Variants in THSD7B observed in about 807,000 individuals in gnomAD.
The protein encoded by THSD7B is thrombospondin type-1 domain-containing protein 7B.
THSD7B carries 138 observed loss-of-function variants against 213.6 expected under a neutral mutation model. The observed-to-expected ratio is 0.65, with a 90% CI of 0.56 to 0.74. The LOEUF (loss-of-function observed/expected upper bound fraction) is 0.74, where lower values mean the gene tolerates loss of function less well. THSD7B is among the 30% of genes least tolerant of loss of function. The pLI is 0.00. For missense variants in THSD7B, 1,931 were observed against 1,991.5 expected (o/e 0.97, Z 0.58); for synonymous variants, 742 against 687.0 (o/e 1.08, Z -1.25).
At chr2:136,825,223 C>T (rs1299438936) in intron 1 of THSD7B, among the ~76,000 whole-genome samples, 1 of 152,164 alleles carries the variant, frequency 6.6e-6, no homozygotes, top group Admixed American at 6.5e-5. Context: ...TCTTTTACTG[C>T]TGCTTTAACA....
chr2:137,359,492 A>G (rs1685206003), intron 12 of THSD7B, among the ~76,000 whole-genome samples: 1 of 152,148 alleles, frequency 6.6e-6, no homozygotes, highest in African/African-American at 2.4e-5. Context: ...AGTGCTACCA[A>G]GGAAAACTAC....
chr2:137,528,665 A>T (rs987157697), intron 15 of THSD7B, among the ~76,000 whole-genome samples: 1 of 152,076 alleles, frequency 6.6e-6, no homozygotes, highest in African/African-American at 2.4e-5. Context: ...TGCCTTTTCA[A>T]TAATTCCCTT....
intron 1 of THSD7B, among the ~76,000 whole-genome samples, chr2:136,829,683 A>G (rs1355334870): frequency 1.3e-5 from 2 of 152,156 alleles, no homozygotes; most frequent in Non-Finnish European, 2.9e-5. Flanking sequence ...ACATACTGGG[A>G]ATCAAAATTA....
intron 10 of THSD7B, among the ~76,000 whole-genome samples, chr2:137,249,302 A>G (rs1240137788): frequency 6.6e-6 from 1 of 152,050 alleles, no homozygotes; most frequent in Non-Finnish European, 1.5e-5. Context: ...AACCCCGCAT[A>G]AGAAGTTATC....
chr2:136,955,699 C>T (rs1017445677), intron 2 of THSD7B, among the ~76,000 whole-genome samples: 2 of 152,124 alleles, frequency 1.3e-5, no homozygotes, highest in Non-Finnish European at 2.9e-5. Context: ...GCAGGGCAAT[C>T]GTGAGGGCAT....
intron 1 of THSD7B, among the ~76,000 whole-genome samples, chr2:136,804,403 A>AACACAC (rs3030361): frequency 0.18 from 26,528 of 148,016 alleles, 2,785 homozygotes; most frequent in Non-Finnish European, 0.25. Flanking sequence ...ACACACACAT[A>AACACAC]ACACACACAC....
At position 137,258,865 on chromosome 2, in the gene THSD7B, G is replaced by A. The variant is rs988634590; in HGVS notation, c.2267-13668G>A. 7.9e-5 allele frequency among the ~76,000 whole-genome samples: 12 copies of A among 151,472 alleles called. No homozygotes were observed. In the South Asian group the frequency reaches 1.3e-3, roughly 16 times the overall value. Reference sequence around the variant, plus strand: ...CCCAACCCCTGACAGGCCCTGAAGCGTGTTGTTCCCTCCCCTGTGTCCATG... The same window carrying A: ...CCCAACCCCTGACAGGCCCTGAAGCATGTTGTTCCCTCCCCTGTGTCCATG... On this transcript the variant is annotated intron_variant, in intron 10 of 27. Coordinates refer to ENST00000409968, the MANE Select transcript of THSD7B (RefSeq NM_001316349.2).
At chr2:137,571,968 G>A (rs901368618) in intron 16 of THSD7B, among the ~76,000 whole-genome samples, 2 of 151,360 alleles carry the variant, frequency 1.3e-5, no homozygotes, top group Admixed American at 6.6e-5. Context: ...ATAGAAGTTT[G>A]GGAAAGGTTT....
chr2:137,017,514 A>G (rs993238372), intron 2 of THSD7B, among the ~76,000 whole-genome samples: 15 of 152,148 alleles, frequency 9.9e-5, no homozygotes, highest in Non-Finnish European at 2.2e-4. Context: ...TTTATAAGGT[A>G]TCATAGAAGC....
intron 20 of THSD7B, among the ~76,000 whole-genome samples, chr2:137,634,605 A>C (rs766412105): frequency 3.3e-5 from 5 of 152,326 alleles, no homozygotes; most frequent in African/African-American, 1.2e-4. Context: ...CAGTAAATTC[A>C]ATGACTATGT....
chr2:137,169,586 C>T (rs1016491913), intron 6 of THSD7B, among the ~76,000 whole-genome samples: 4 of 151,966 alleles, frequency 2.6e-5, no homozygotes, highest in Non-Finnish European at 4.4e-5. Flanking sequence ...TTTACTTACT[C>T]CGAGGAATAA....
At chr2:136,805,060 C>T (rs969073597) in intron 1 of THSD7B, among the ~76,000 whole-genome samples, 3 of 152,136 alleles carry the variant, frequency 2.0e-5, no homozygotes, top group African/African-American at 7.2e-5. Context: ...TTCAAAGACC[C>T]AGGGCATAGC....
At chr2:137,044,002 G>T (rs1686926951) in intron 2 of THSD7B, among the ~76,000 whole-genome samples, 2 of 152,244 alleles carry the variant, frequency 1.3e-5, no homozygotes, top group South Asian at 2.1e-4. Flanking sequence ...CTCCTCTAGG[G>T]TGTGAGCATG....
At chr2:137,283,341 C>T (rs536968258) in intron 12 of THSD7B, among the ~76,000 whole-genome samples, 8 of 152,270 alleles carry the variant, frequency 5.3e-5, no homozygotes, top group Admixed American at 6.5e-5. Flanking sequence ...ACAATCGTGT[C>T]ATCTGCAAAC....
At chr2:137,139,023 C>A (rs1679527420) in intron 5 of THSD7B, among the ~76,000 whole-genome samples, 1 of 152,118 alleles carries the variant, frequency 6.6e-6, no homozygotes, top group Non-Finnish European at 1.5e-5. Context: ...GCACATCTTC[C>A]ATTATTGAAT....
intron 20 of THSD7B, among the ~76,000 whole-genome samples, chr2:137,627,348 A>G (rs1340479493): frequency 6.6e-6 from 1 of 152,192 alleles, no homozygotes; most frequent in Admixed American, 6.5e-5. Flanking sequence ...CACAAACCAC[A>G]TCCAAACCAT....
intron 2 of THSD7B, among the ~76,000 whole-genome samples, chr2:137,013,417 G>T (rs1345097767): frequency 6.6e-6 from 1 of 152,152 alleles, no homozygotes; most frequent in African/African-American, 2.4e-5. Context: ...AGAATAAAGA[G>T]CTGAGACTCT....
At chr2:137,626,210 C>A (rs1682624243) in intron 20 of THSD7B, among the ~76,000 whole-genome samples, 1 of 152,086 alleles carries the variant, frequency 6.6e-6, no homozygotes, top group Non-Finnish European at 1.5e-5. Flanking sequence ...CGCCTGTAAC[C>A]CCAGCACTTT....
At chr2:137,081,967 TC>T in intron 3 of THSD7B, among the ~76,000 whole-genome samples, 1 of 152,204 alleles carries the variant, frequency 6.6e-6, no homozygotes, top group East Asian at 1.9e-4. Flanking sequence ...TAATTTCTTC[TC>T]CCTCTTTACT....
Sources: allele counts gnomAD v4.1 joint callset (sites outside exome capture counted in the v4.1 genomes callset), GRCh38; gene constraint gnomAD v4.1.1; transcripts MANE v1.5; gene names NCBI Gene and HGNC (gene_info 2026-07-23, HGNC 2026-07-21).